MMP26: variants seen among roughly 807,000 people sequenced by gnomAD.
The protein encoded by MMP26 is matrix metallopeptidase 26, also known as matrix metalloproteinase-26.
In MMP26, 33 loss-of-function variants were observed where a neutral mutation model predicts 31.0. The ratio of observed to expected loss-of-function variants is 1.06; its 90% CI spans 0.81 to 1.42. MMP26 has a LOEUF of 1.42. MMP26 is among the 40% of genes most tolerant of loss of function. The pLI is 0.00. For missense variants in MMP26, 347 were observed against 316.1 expected, an observed-to-expected ratio of 1.10 and a Z score of -0.74; for synonymous variants, 122 against 114.9, an observed-to-expected ratio of 1.06 and a Z score of -0.40.
chr11:4,766,303 G>T (rs1048425440), intron 1 of MMP26, among the ~76,000 whole-genome samples: 1 of 152,168 alleles, frequency 6.6e-6, no homozygotes, highest in Non-Finnish European at 1.5e-5. Context: ...ATGCGAAGTG[G>T]TGGAAATGAT....
intron 2 of MMP26, among the ~76,000 whole-genome samples, chr11:4,781,020 A>C (rs1252941104): frequency 6.6e-6 from 1 of 152,136 alleles, no homozygotes; most frequent in African/African-American, 2.4e-5. Context: ...GCAAAGCAAA[A>C]GAAGTTACAT....
At chr11:4,815,430 G>A (rs909710897) in intron 2 of MMP26, among the ~76,000 whole-genome samples, 1 of 152,132 alleles carries the variant, frequency 6.6e-6, no homozygotes, top group African/African-American at 2.4e-5. Flanking sequence ...TTTATACTTA[G>A]TAGCTAACTT....
chr11:4,811,721 C>G (rs1273212969), intron 2 of MMP26, among the ~76,000 whole-genome samples: 1 of 152,070 alleles, frequency 6.6e-6, no homozygotes, highest in Non-Finnish European at 1.5e-5. Flanking sequence ...AGGATAGGAC[C>G]TGTGGTGTTT....
intron 2 of MMP26, among the ~76,000 whole-genome samples, chr11:4,791,087 C>T (rs1849020316): frequency 6.6e-6 from 1 of 152,136 alleles, no homozygotes; most frequent in South Asian, 2.1e-4. Flanking sequence ...TTCTTGAGCA[C>T]CTACTGTGTG....
chr11:4,824,080 A>T (rs764109812), intron 2 of MMP26, among the ~76,000 whole-genome samples: 15 of 152,100 alleles, frequency 9.9e-5, no homozygotes, highest in Non-Finnish European at 2.1e-4. Flanking sequence ...GGAAATCTGG[A>T]TAATTTTTAT....
chr11:4,731,321 A>T (rs1374713325), intron 1 of MMP26, among the ~76,000 whole-genome samples: 2 of 152,162 alleles, frequency 1.3e-5, no homozygotes, highest in Non-Finnish European at 2.9e-5. Context: ...CAACACACAC[A>T]CAATTTGGTG....
intron 2 of MMP26, among the ~76,000 whole-genome samples, chr11:4,856,777 C>T (rs2133506225): frequency 6.6e-6 from 1 of 152,328 alleles, no homozygotes; most frequent in East Asian, 1.9e-4. Context: ...ACATTCTTCT[C>T]AGCACCACGT....
intron 1 of MMP26, among the ~76,000 whole-genome samples, chr11:4,750,750 T>C (rs902571515): frequency 2.6e-5 from 4 of 151,856 alleles, no homozygotes; most frequent in Admixed American, 2.6e-4. Flanking sequence ...AGTGAAATAA[T>C]AGACATTGGT....
chr11:4,705,409 T>C (rs185171818), intron 1 of MMP26, among the ~76,000 whole-genome samples: 1 of 152,224 alleles, frequency 6.6e-6, no homozygotes, highest in South Asian at 2.1e-4. Context: ...GACTCGATTA[T>C]CTAATCTTAC....
intron 1 of MMP26, among the ~76,000 whole-genome samples, chr11:4,716,069 G>A (rs202153478): frequency 6.6e-6 from 1 of 152,190 alleles, no homozygotes; most frequent in Admixed American, 6.5e-5. Context: ...ACTGAGGGTA[G>A]CCTCTAGAAG....
intron 2 of MMP26, among the ~76,000 whole-genome samples, chr11:4,935,600 C>A (rs1247447329): frequency 0.016 from 2,360 of 151,328 alleles, 8 homozygotes; most frequent in Middle Eastern, 0.024. Context: ...CTTGCCAGAA[C>A]TTCCAACACT....
chr11:4,833,616 T>C lies in MMP26; in HGVS notation c.-145+66275T>C, dbSNP rs116779647. Among the ~76,000 whole-genome samples, 524 of 152,346 alleles carry C rather than the reference T, an allele frequency of 3.4e-3. 4 individuals carry two copies. The highest frequency in any genetic ancestry group is 0.01 in the African/African-American group (417 of 41,582). ...TTGTTAAAATTGCTGCAGAATCTCA[T>C]GTCCTGCTGCAAGCCTGTTGAGCTG... is the stretch of plus-strand genomic sequence containing the variant. On this transcript the variant is annotated intron_variant, in intron 2 of 7. Transcript: ENST00000380390.
intron 2 of MMP26, among the ~76,000 whole-genome samples, chr11:4,931,244 A>C (rs1357924643): frequency 6.6e-6 from 1 of 152,084 alleles, no homozygotes; most frequent in Non-Finnish European, 1.5e-5. Context: ...GAGCTATATA[A>C]AATCCCTTTA....
chr11:4,801,177 C>G (rs948029917), intron 2 of MMP26, among the ~76,000 whole-genome samples: 28 of 152,172 alleles, frequency 1.8e-4, no homozygotes, highest in African/African-American at 6.3e-4. Flanking sequence ...TCTGAGTTCT[C>G]TGAACTCTTC....
intron 2 of MMP26, among the ~76,000 whole-genome samples, chr11:4,957,992 C>G (rs1032766329): frequency 6.6e-6 from 1 of 152,132 alleles, no homozygotes; most frequent in Non-Finnish European, 1.5e-5. Context: ...CAACTAGGCA[C>G]CTCCAGAATT....
At chr11:4,754,311 A>T (rs1848481232) in intron 1 of MMP26, among the ~76,000 whole-genome samples, 1 of 151,864 alleles carries the variant, frequency 6.6e-6, no homozygotes, top group Non-Finnish European at 1.5e-5. Context: ...ATTTCTTAAT[A>T]AATAGAGCAA....
chr11:4,772,175 A>G (rs538871213), intron 2 of MMP26, among the ~76,000 whole-genome samples: 2 of 152,334 alleles, frequency 1.3e-5, no homozygotes, highest in East Asian at 1.9e-4. Context: ...AGGAGTGTGT[A>G]ATCCCAGAGG....
intron 2 of MMP26, among the ~76,000 whole-genome samples, chr11:4,939,223 G>A (rs1201687241): frequency 1.3e-5 from 2 of 152,040 alleles, no homozygotes; most frequent in African/African-American, 2.4e-5. Context: ...TTAACACCTA[G>A]CATAGTAAAT....
intron 2 of MMP26, among the ~76,000 whole-genome samples, chr11:4,861,205 TAC>T: frequency 6.7e-6 from 1 of 150,106 alleles, no homozygotes; most frequent in East Asian, 1.9e-4. Flanking sequence ...TATAGATACA[TAC>T]AGTTTCCAAG....
Sources: allele counts gnomAD v4.1 joint callset (sites outside exome capture counted in the v4.1 genomes callset), GRCh38; gene constraint gnomAD v4.1.1; transcripts MANE v1.5; gene names NCBI Gene and HGNC (gene_info 2026-07-23, HGNC 2026-07-21).